The following PLPPR1 variants were observed in gnomAD, a reference collection of about 807,000 sequenced individuals.
PLPPR1 encodes phospholipid phosphatase related 1.
PLPPR1 carries 10 observed loss-of-function variants against 33.1 expected under a neutral mutation model. The ratio of observed to expected loss-of-function variants is 0.30; its 90% CI spans 0.19 to 0.51. The LOEUF (loss-of-function observed/expected upper bound fraction) is 0.51. PLPPR1 is among the 20% of genes least tolerant of loss of function. PLPPR1 has a pLI of 0.97. For synonymous variants in PLPPR1, 151 were observed against 151.0 expected (o/e 1.00, Z 0.00); for missense variants, 304 against 408.1 (o/e 0.74, Z 2.20).
At chr9:101,118,132 T>C (rs979552464) in intron 1 of PLPPR1, among the ~76,000 whole-genome samples, 6 of 152,244 alleles carry the variant, frequency 3.9e-5, no homozygotes, top group African/African-American at 1.4e-4. Context: ...GATTTATGAC[T>C]AACATCCTAG....
intron 1 of PLPPR1, among the ~76,000 whole-genome samples, chr9:101,163,161 G>A (rs890016434): frequency 9.9e-5 from 15 of 152,152 alleles, no homozygotes; most frequent in Non-Finnish European, 2.1e-4. Flanking sequence ...AATAAGTATT[G>A]CTAATGTTCT....
chr9:101,250,587 T>C (rs1173444567), intron 2 of PLPPR1, among the ~76,000 whole-genome samples: 28 of 152,056 alleles, frequency 1.8e-4, no homozygotes, highest in Admixed American at 1.8e-3. Context: ...TGCTCCTCAT[T>C]GCTTCTTCCA....
chr9:101,263,775 T>C (rs745717419), intron 2 of PLPPR1, among the ~76,000 whole-genome samples: 5 of 152,190 alleles, frequency 3.3e-5, no homozygotes, highest in Non-Finnish European at 7.4e-5. Context: ...AAAATGGAAA[T>C]AATAATGTAC....
At chr9:101,246,681 C>T (rs140141803) in intron 2 of PLPPR1, among the ~76,000 whole-genome samples, 5 of 152,088 alleles carry the variant, frequency 3.3e-5, no homozygotes, top group East Asian at 1.9e-4. Context: ...TGCCCATTGC[C>T]GTAATACCAG....
intron 1 of PLPPR1, among the ~76,000 whole-genome samples, chr9:101,137,854 G>A (rs141958166): frequency 6.6e-6 from 1 of 152,186 alleles, no homozygotes; most frequent in Non-Finnish European, 1.5e-5. Context: ...AGCCCTGACT[G>A]TACTGTCATA....
intron 1 of PLPPR1, among the ~76,000 whole-genome samples, chr9:101,145,467 C>T (rs540820260): frequency 2.0e-5 from 3 of 152,094 alleles, no homozygotes; most frequent in South Asian, 2.1e-4. Flanking sequence ...CTGCAACCTC[C>T]GCCTCCCAGG....
At chr9:101,205,317 A>T (rs1037809638) in intron 2 of PLPPR1, among the ~76,000 whole-genome samples, 1 of 152,206 alleles carries the variant, frequency 6.6e-6, no homozygotes, top group Non-Finnish European at 1.5e-5. Context: ...ACCTGATGCT[A>T]AATGCTGTTG....
intron 1 of PLPPR1, among the ~76,000 whole-genome samples, chr9:101,030,019 C>T (rs1829924588): frequency 1.3e-5 from 2 of 151,732 alleles, no homozygotes; most frequent in African/African-American, 4.8e-5. Flanking sequence ...AACCTCTTTC[C>T]TGGGAGAGAT....
At chr9:101,178,642 G>A (rs1390848477) in intron 1 of PLPPR1, among the ~76,000 whole-genome samples, 7 of 152,174 alleles carry the variant, frequency 4.6e-5, no homozygotes, top group Non-Finnish European at 8.8e-5. Flanking sequence ...TCATCCTGAA[G>A]CAGCTAGAAT....
intron 1 of PLPPR1, among the ~76,000 whole-genome samples, chr9:101,038,184 C>T (rs1830033213): frequency 1.3e-5 from 2 of 151,932 alleles, no homozygotes; most frequent in African/African-American, 2.4e-5. Context: ...TTACTTTTAG[C>T]TATAATTTCA....
At chr9:101,120,036 T>G (rs952874117) in intron 1 of PLPPR1, among the ~76,000 whole-genome samples, 2 of 152,228 alleles carry the variant, frequency 1.3e-5, no homozygotes, top group Non-Finnish European at 2.9e-5. Flanking sequence ...AGCCTCTGTT[T>G]TATTGGCTTT....
chr9:101,219,892 C>T (rs1427917926), intron 2 of PLPPR1, among the ~76,000 whole-genome samples: 1 of 152,186 alleles, frequency 6.6e-6, no homozygotes, highest in African/African-American at 2.4e-5. Flanking sequence ...GCCAGGGAAT[C>T]CCTTTGTTTT....
At chr9:101,253,592 C>T (rs545946690) in intron 2 of PLPPR1, among the ~76,000 whole-genome samples, 2 of 152,102 alleles carry the variant, frequency 1.3e-5, no homozygotes, top group South Asian at 2.1e-4. Flanking sequence ...TTATTTTCTA[C>T]TCATTCTGTT....
chr9:101,193,924 C>A (rs1327181221), intron 2 of PLPPR1, among the ~76,000 whole-genome samples: 1 of 152,178 alleles, frequency 6.6e-6, no homozygotes, highest in East Asian at 1.9e-4. Context: ...CACTGGATAA[C>A]AAAGATAGAG....
intron 1 of PLPPR1, among the ~76,000 whole-genome samples, chr9:101,115,943 T>C (rs1831112815): frequency 6.6e-6 from 1 of 152,248 alleles, no homozygotes. Context: ...TAACTCTCAC[T>C]ACTTAACAGC....
At chr9:101,187,848 A>G (rs1010812538) in intron 2 of PLPPR1, 21 of 152,020 alleles carry the variant, frequency 1.4e-4, no homozygotes, top group African/African-American at 3.9e-4. Context: ...TTGTCAAGGA[A>G]AATAAAATGT....
chr9:101,052,861 C>T (rs1428056086), intron 1 of PLPPR1, among the ~76,000 whole-genome samples: 1 of 152,186 alleles, frequency 6.6e-6, no homozygotes, highest in African/African-American at 2.4e-5. Context: ...AACTGAGGCT[C>T]TTTTTGCTAA....
intron 1 of PLPPR1, among the ~76,000 whole-genome samples, chr9:101,068,099 G>T (rs1423897295): frequency 1.3e-5 from 2 of 151,998 alleles, no homozygotes. Flanking sequence ...TATTATAAGG[G>T]CAATAATTGT....
rs571415488 is a variant in PLPPR1 at position 101,248,843 on chromosome 9, A to G, written c.64-21037A>G. Among the ~76,000 whole-genome samples, 4 of 152,096 alleles carry G rather than the reference A, an allele frequency of 2.6e-5. No individual in the cohort carries two copies. The South Asian group carries it at 6.2e-4, about 24-fold the overall frequency. On this transcript the variant is annotated intron_variant, in intron 2 of 7. Transcript: ENST00000374874. The stretch of plus-strand genomic sequence containing the variant: ...GCTCTGAGCTTAAGTGGTTGACCAA[A>G]TAGGTTAGGCATTCCTTCTAAATAT...
Sources: gnomAD v4.1 joint callset for allele counts (sites outside exome capture counted in the v4.1 genomes callset) on GRCh38, gnomAD v4.1.1 for gene constraint, MANE v1.5 for transcripts, NCBI Gene and HGNC (gene_info 2026-07-23, HGNC 2026-07-21) for gene names.